Variants in NOS1AP observed in about 807,000 individuals in gnomAD.
The protein encoded by NOS1AP is carboxyl-terminal PDZ ligand of neuronal nitric oxide synthase protein.
A neutral mutation model predicts 56.2 loss-of-function variants in NOS1AP; 21 were observed. That is an observed-to-expected ratio of 0.37 (90% CI 0.26 to 0.54). NOS1AP has a LOEUF of 0.54. Ranked by LOEUF, NOS1AP falls within the 20% of genes least tolerant of loss-of-function variation. NOS1AP has a pLI of 0.84. For synonymous variants in NOS1AP, 270 were observed against 274.6 expected, an observed-to-expected ratio of 0.98 and a Z score of 0.17; for missense variants, 522 against 657.8, an observed-to-expected ratio of 0.79 and a Z score of 2.26.
intron 2 of NOS1AP, among the ~76,000 whole-genome samples, chr1:162,234,928 C>G (rs78541600): frequency 6.6e-6 from 1 of 152,212 alleles, no homozygotes; most frequent in Non-Finnish European, 1.5e-5. Flanking sequence ...CAGAACCCTA[C>G]TCTGATTCCA....
intron 2 of NOS1AP, among the ~76,000 whole-genome samples, chr1:162,283,952 C>G (rs188521716): frequency 8.9e-4 from 136 of 152,326 alleles, no homozygotes; most frequent in African/African-American, 2.9e-3. Flanking sequence ...GTGGCACCAG[C>G]AGTCTTGTTT....
chr1:162,310,496 T>G (rs2101765792), intron 4 of NOS1AP, among the ~76,000 whole-genome samples: 1 of 152,370 alleles, frequency 6.6e-6, no homozygotes, highest in South Asian at 2.1e-4. Flanking sequence ...CGGATATGAG[T>G]GTCCATCACT....
intron 1 of NOS1AP, among the ~76,000 whole-genome samples, chr1:162,150,596 C>T (rs779912387): frequency 6.6e-6 from 1 of 152,100 alleles, no homozygotes; most frequent in Non-Finnish European, 1.5e-5. Context: ...TACGAGGGTT[C>T]TTTTTTCTCC....
intron 1 of NOS1AP, among the ~76,000 whole-genome samples, chr1:162,121,213 C>T (rs1447254514): frequency 6.6e-6 from 1 of 150,956 alleles, no homozygotes; most frequent in Non-Finnish European, 1.5e-5. Context: ...CTCTGTCGCC[C>T]AGGATCAAGT....
Position 162,162,090 on chromosome 1 carries a change from A to T in NOS1AP, c.177+7614A>T, listed in dbSNP as rs1197445693. Among the ~76,000 whole-genome samples, 11 of 152,216 alleles carry T rather than the reference A, an allele frequency of 7.2e-5. No homozygotes were observed. In the East Asian group the frequency reaches 2.1e-3, roughly 29 times the overall value. ...TTGATCCTAATGACAACAAGATAAA[A>T]TAAGCCTGTTCTGGACTGTTGGAAG... On this transcript the variant is annotated intron_variant, in intron 2 of 9. Transcript: ENST00000361897.
At chr1:162,234,828 T>C (rs1395863438) in intron 2 of NOS1AP, among the ~76,000 whole-genome samples, 2 of 152,200 alleles carry the variant, frequency 1.3e-5, no homozygotes, top group Non-Finnish European at 2.9e-5. Context: ...CCTTTGTGTT[T>C]AATCAAATTG....
chr1:162,136,440 A>G (rs1405368088), intron 1 of NOS1AP, among the ~76,000 whole-genome samples: 1 of 152,166 alleles, frequency 6.6e-6, no homozygotes, highest in Non-Finnish European at 1.5e-5. Context: ...GAAATGCAAG[A>G]CATCATTCTT....
chr1:162,364,447 T>A, intron 8 of NOS1AP: 1 of 985,464 alleles, frequency 1.0e-6, no homozygotes, highest in Non-Finnish European at 1.2e-6. Context: ...TAACTCAGTT[T>A]CTTCAAACCA....
intron 2 of NOS1AP, among the ~76,000 whole-genome samples, chr1:162,267,596 C>CAAAAAAAAA (rs71829190): frequency 1.0e-5 from 1 of 100,132 alleles, no homozygotes; most frequent in African/African-American, 3.4e-5. Flanking sequence ...CCTGTCTCTA[C>CAAAAAAAAA]AAAAAAAAAA....
At chr1:162,086,483 C>A (rs1372957852) in intron 1 of NOS1AP, among the ~76,000 whole-genome samples, 1 of 152,294 alleles carries the variant, frequency 6.6e-6, no homozygotes, top group South Asian at 2.1e-4. Context: ...TAAAGAAGCA[C>A]TGTATCTGAC....
At chr1:162,186,828 C>A (rs576044913) in intron 2 of NOS1AP, among the ~76,000 whole-genome samples, 1 of 152,278 alleles carries the variant, frequency 6.6e-6, no homozygotes, top group South Asian at 2.1e-4. Context: ...ATGACACTTT[C>A]GTTATAGCAA....
chr1:162,234,836 T>C (rs1173901122), intron 2 of NOS1AP, among the ~76,000 whole-genome samples: 1 of 152,166 alleles, frequency 6.6e-6, no homozygotes, highest in African/African-American at 2.4e-5. Flanking sequence ...TTTAATCAAA[T>C]TGAGTGGGGA....
intron 1 of NOS1AP, among the ~76,000 whole-genome samples, chr1:162,101,865 A>G (rs542923918): frequency 6.6e-6 from 1 of 152,266 alleles, no homozygotes; most frequent in African/African-American, 2.4e-5. Context: ...TTTTCTAGAT[A>G]TAGGATCATG....
chr1:162,153,845 C>T (rs1275287022), intron 1 of NOS1AP, among the ~76,000 whole-genome samples: 2 of 152,082 alleles, frequency 1.3e-5, no homozygotes, highest in African/African-American at 2.4e-5. Context: ...CATTCATCTT[C>T]AAAAAATTTT....
chr1:162,155,310 G>T (rs1557808134), intron 2 of NOS1AP, among the ~76,000 whole-genome samples: 1 of 141,186 alleles, frequency 7.1e-6, no homozygotes, highest in Non-Finnish European at 1.5e-5. Flanking sequence ...ATATGTATGT[G>T]TATATATATA....
rs191614639 is a variant in NOS1AP, at chr1:162,253,223, G to A, written c.178-34121G>A. Among the ~76,000 whole-genome samples the A allele has an allele frequency of 2.4e-3, 361 of 152,182 alleles. 1 individual carries two copies. Among genetic ancestry groups the A allele is most frequent in the Non-Finnish European group, 3.9e-3 (263 of 67,996 alleles). ...TGCCCTCTCCACACTTCTTCCTTCC[G>A]CCATGGGACGATGCAGCAAGAAGGT... On this transcript the variant is annotated intron_variant, in intron 2 of 9. Transcript: ENST00000361897.
chr1:162,203,689 G>A (rs1652065763), intron 2 of NOS1AP, among the ~76,000 whole-genome samples: 1 of 152,142 alleles, frequency 6.6e-6, no homozygotes, highest in Admixed American at 6.5e-5. Flanking sequence ...GCCACTCTTA[G>A]GGAATCACAA....
At chr1:162,229,200 C>T (rs559710432) in intron 2 of NOS1AP, among the ~76,000 whole-genome samples, 1 of 152,170 alleles carries the variant, frequency 6.6e-6, no homozygotes, top group South Asian at 2.1e-4. Flanking sequence ...GGGAAGGAGG[C>T]AGAGGCAAGC....
At chr1:162,126,725 T>C (rs1196433128) in intron 1 of NOS1AP, among the ~76,000 whole-genome samples, 1 of 152,196 alleles carries the variant, frequency 6.6e-6, no homozygotes, top group African/African-American at 2.4e-5. Context: ...ACAAATACTG[T>C]CACAATATCC....
Sources: gnomAD v4.1 joint callset for allele counts (sites outside exome capture counted in the v4.1 genomes callset) on GRCh38, gnomAD v4.1.1 for gene constraint, MANE v1.5 for transcripts, NCBI Gene and HGNC (gene_info 2026-07-23, HGNC 2026-07-21) for gene names.